The following DGKI variants were observed in gnomAD, a reference collection of about 807,000 sequenced individuals.
The protein encoded by DGKI is DAG kinase iota.
DGKI carries 55 observed loss-of-function variants against 147.5 expected under a neutral mutation model. That is an observed-to-expected ratio of 0.37 (90% CI 0.30 to 0.47). The LOEUF is 0.47. Ranked by LOEUF, DGKI falls within the 20% of genes least tolerant of loss-of-function variation. DGKI has a pLI of 1.00. For synonymous variants in DGKI, 469 were observed against 477.1 expected, an observed-to-expected ratio of 0.98 and a Z score of 0.22; for missense variants, 1,007 against 1,323.8, an observed-to-expected ratio of 0.76 and a Z score of 3.71.
At chr7:137,666,349 G>A (rs1822639308) in intron 3 of DGKI, among the ~76,000 whole-genome samples, 1 of 152,184 alleles carries the variant, frequency 6.6e-6, no homozygotes, top group South Asian at 2.1e-4. Context: ...GCTGCAGTGA[G>A]CCAGGATCAC....
At chr7:137,675,124 T>G (rs1447741990) in intron 3 of DGKI, among the ~76,000 whole-genome samples, 1 of 152,210 alleles carries the variant, frequency 6.6e-6, no homozygotes, top group Non-Finnish European at 1.5e-5. Context: ...CTAAGAAAAC[T>G]GCAAACAGAG....
rs1404628098 is a variant in DGKI at position 137,720,279 on chromosome 7, A to G, written c.402-30277T>C. Among the ~76,000 whole-genome samples, 6 of 98,508 alleles carry G rather than the reference A, an allele frequency of 6.1e-5. No homozygotes were observed. The Admixed American group carries it at 7.1e-4, about 12-fold the overall frequency. 64.6% of individuals were successfully genotyped at this position (98,508 alleles called of 152,430 possible). Reference sequence around the variant, plus strand: ...TTTTTTTTTTTTTTTTTTTTTTGAGACAGAGTCTCGCTCTTTCGCCCAGGC... The same window carrying G: ...TTTTTTTTTTTTTTTTTTTTTTGAGGCAGAGTCTCGCTCTTTCGCCCAGGC... On this transcript the variant is annotated intron_variant, in intron 1 of 32. Coordinates refer to ENST00000614521, the MANE Select transcript of DGKI (RefSeq NM_001321708.2).
chr7:137,715,521 T>C (rs1444927584), intron 1 of DGKI, among the ~76,000 whole-genome samples: 1 of 152,190 alleles, frequency 6.6e-6, no homozygotes, highest in Non-Finnish European at 1.5e-5. Flanking sequence ...CCAGAAACGT[T>C]GTTCCTTTTA....
rs1811079013 is a variant in DGKI, at chr7:137,382,316, T to C, written c.*8904A>G. On this transcript the variant is annotated 3_prime_UTR_variant, in exon 33 of 33. Transcript: ENST00000614521. ...AATTTTTAAGTGAATATATTGAGAT[T>C]TGTGGGAAAAAACCCTAAATATTCC... The C allele has an allele frequency of 7.2e-6, 1 of 139,784 alleles. No individual in the cohort carries two copies. Among genetic ancestry groups the C allele is most frequent in the Non-Finnish European group, 1.5e-5 (1 of 65,014 alleles). The allele number at this position is 139,784 out of a possible 1,614,324, so 8.7% of individuals were successfully genotyped here. A position where few individuals can be genotyped will look rare whatever the true frequency, so the allele number is the denominator to read the frequency against.
rs1585373880 is a variant in DGKI at position 137,689,485 on chromosome 7, G to A, written c.510+409C>T. On this transcript the variant is annotated intron_variant, in intron 2 of 32. Coordinates refer to ENST00000614521, the MANE Select transcript of DGKI (RefSeq NM_001321708.2). ...AGGAAAAGCAATAGAATGACATGAA[G>A]TGCCTGTAATCCTCTGGGAAAAAAA... Among the ~76,000 whole-genome samples the A allele has an allele frequency of 3.3e-5, 5 of 152,240 alleles. No individual in the cohort carries two copies. The South Asian group carries it at 1.0e-3, about 32-fold the overall frequency.
chr7:137,549,920 T>C (rs187109487), intron 20 of DGKI, among the ~76,000 whole-genome samples: 1 of 152,362 alleles, frequency 6.6e-6, no homozygotes, highest in East Asian at 1.9e-4. Flanking sequence ...TTTGCTTTCT[T>C]TTGAAAATGT....
At chr7:137,461,899 G>T (rs999135296) in intron 27 of DGKI, among the ~76,000 whole-genome samples, 1 of 152,108 alleles carries the variant, frequency 6.6e-6, no homozygotes, top group Non-Finnish European at 1.5e-5. Flanking sequence ...CAGACAGAAA[G>T]AGTTCATTTT....
intron 1 of DGKI, among the ~76,000 whole-genome samples, chr7:137,729,527 G>A (rs1476620785): frequency 6.6e-6 from 1 of 152,114 alleles, no homozygotes. Context: ...TCTTTGATTT[G>A]TAAAGAAATT....
intron 6 of DGKI, among the ~76,000 whole-genome samples, chr7:137,638,502 GTA>G (rs1201118427): frequency 3.9e-5 from 4 of 101,814 alleles, no homozygotes; most frequent in Non-Finnish European, 5.7e-5. Context: ...ACATATATAT[GTA>G]TATATATGTG....
intron 19 of DGKI, among the ~76,000 whole-genome samples, chr7:137,558,173 CACA>C (rs1462537428): frequency 2.6e-5 from 4 of 152,200 alleles, no homozygotes; most frequent in African/African-American, 4.8e-5. Context: ...TAGTTTTTGA[CACA>C]ACATTTTACA....
At chr7:137,744,845 G>A (rs182495040) in intron 1 of DGKI, among the ~76,000 whole-genome samples, 303 of 152,198 alleles carry the variant, frequency 2.0e-3, no homozygotes, top group East Asian at 7.5e-3. Context: ...TCCAACATCC[G>A]TTTATGATAT....
chr7:137,519,265 T>C (rs145602235), intron 21 of DGKI, among the ~76,000 whole-genome samples: 65 of 152,186 alleles, frequency 4.3e-4, no homozygotes, highest in Admixed American at 1.3e-3. Flanking sequence ...CCATCCATTA[T>C]TGTCAGGGAG....
chr7:137,620,153 C>T (rs1693081339), intron 7 of DGKI, among the ~76,000 whole-genome samples: 1 of 151,988 alleles, frequency 6.6e-6, no homozygotes, highest in South Asian at 2.1e-4. Flanking sequence ...CCAGCCAGCC[C>T]CAGGAGCTTA....
At chr7:137,435,358 C>T (rs1292017699) in intron 28 of DGKI, among the ~76,000 whole-genome samples, 4 of 152,094 alleles carry the variant, frequency 2.6e-5, no homozygotes, top group Admixed American at 6.5e-5. Flanking sequence ...TTGTCCTTAG[C>T]GTCTATAGAG....
At chr7:137,820,813 G>A (rs113184386) in intron 1 of DGKI, among the ~76,000 whole-genome samples, 4,456 of 152,272 alleles carry the variant, frequency 0.029, 83 homozygotes, top group Non-Finnish European at 0.04. Context: ...GTGGGGCTGT[G>A]TGAGACCAGA....
At chr7:137,667,480 T>C (rs1269410749) in intron 3 of DGKI, among the ~76,000 whole-genome samples, 1 of 152,196 alleles carries the variant, frequency 6.6e-6, no homozygotes, top group African/African-American at 2.4e-5. Context: ...CCAAACACTT[T>C]GCCTTTTTCA....
At chr7:137,828,924 A>G (rs1798142129) in intron 1 of DGKI, among the ~76,000 whole-genome samples, 1 of 152,258 alleles carries the variant, frequency 6.6e-6, no homozygotes, top group Non-Finnish European at 1.5e-5. Context: ...TGACACAGAC[A>G]TAACCTGAAG....
intron 28 of DGKI, among the ~76,000 whole-genome samples, chr7:137,414,361 G>A (rs117887754): frequency 2.6e-5 from 4 of 152,252 alleles, no homozygotes; most frequent in Non-Finnish European, 4.4e-5. Flanking sequence ...AAAGTGCCTC[G>A]CCATAACAAG....
chr7:137,553,413 TG>T (rs1285355015), intron 19 of DGKI, among the ~76,000 whole-genome samples: 1 of 152,138 alleles, frequency 6.6e-6, no homozygotes, highest in Non-Finnish European at 1.5e-5. Context: ...TAAAACACTC[TG>T]GAAAGCAAAG....
Sources: allele counts gnomAD v4.1 joint callset (sites outside exome capture counted in the v4.1 genomes callset), GRCh38; gene constraint gnomAD v4.1.1; transcripts MANE v1.5; gene names NCBI Gene and HGNC (gene_info 2026-07-23, HGNC 2026-07-21).